The following COX20 variants were observed in gnomAD, a reference collection of about 807,000 sequenced individuals.
COX20 encodes the protein cytochrome c oxidase assembly protein COX20, mitochondrial.
In COX20, 14 loss-of-function variants were observed where a neutral mutation model predicts 14.3. The observed-to-expected ratio is 0.98, with a 90% CI of 0.65 to 1.53. COX20 has a LOEUF of 1.53. COX20 is among the 40% of genes most tolerant of loss of function. The pLI, the probability that COX20 is intolerant of heterozygous loss-of-function variation, is 0.00. For missense variants in COX20, 149 were observed against 142.1 expected (o/e 1.05, Z -0.25); for synonymous variants, 56 against 51.7 (o/e 1.08, Z -0.36).
At chr1:244,837,616 A>C (rs12139064) in intron 1 of COX20, among the ~76,000 whole-genome samples, 25,622 of 152,252 alleles carry the variant, frequency 0.17, 2,531 homozygotes, top group Middle Eastern at 0.33. Flanking sequence ...AAAAATATTT[A>C]GAGTACCTAC....
intron 1 of COX20, chr1:244,839,639 A>G (rs1433492556): frequency 1.3e-5 from 2 of 152,192 alleles, no homozygotes; most frequent in Non-Finnish European, 2.9e-5. Context: ...TTTACAGTTC[A>G]GTGTACTTAA....
At chr1:244,841,128 A>G (rs1454578247) in intron 1 of COX20, 6 of 152,262 alleles carry the variant, frequency 3.9e-5, no homozygotes, top group African/African-American at 1.4e-4. Context: ...TAAGAAATAC[A>G]TAAATCCAAT....
intron 1 of COX20, chr1:244,836,596 C>T (rs1029246349): frequency 1.0e-5 from 13 of 1,271,480 alleles, no homozygotes; most frequent in Non-Finnish European, 1.4e-5. Context: ...ATCCTCAGGG[C>T]AGAACAGGTA....
At position 244,843,388 on chromosome 1, in the gene COX20, A is replaced by G; in HGVS notation, c.*212A>G. ...ACGTGTTACATATAGTGGACTTGTC[A>G]TCCTTAAAATGTGAACAGAATTTAT... On this transcript the variant is annotated 3_prime_UTR_variant, in exon 4 of 4. Transcript: ENST00000411948. 3 of 509,580 alleles carry G rather than the reference A, an allele frequency of 5.9e-6. No homozygotes were observed. The highest frequency in any genetic ancestry group is 4.1e-5 in the Admixed American group (1 of 24,686). The allele number at this position is 509,580 out of a possible 1,614,324, so 31.6% of individuals were successfully genotyped here. A position where few individuals can be genotyped will look rare whatever the true frequency, so the allele number is the denominator to read the frequency against.
upstream of COX20, chr1:244,835,607 C>A: frequency 1.3e-6 from 1 of 790,254 alleles, no homozygotes; most frequent in Non-Finnish European, 1.7e-6. Context: ...CGGAACAGGG[C>A]GGGAGGCGGC....
intron 1 of COX20, 163 bp from the exon 2 acceptor site, chr1:244,841,781 A>C: frequency 1.7e-6 from 1 of 572,180 alleles, no homozygotes; most frequent in Non-Finnish European, 3.1e-6. Context: ...TGCATACCAA[A>C]GGTGGACAAA....
At chr1:244,841,031 A>G (rs1680180053) in intron 1 of COX20, 1 of 152,256 alleles carries the variant, frequency 6.6e-6, no homozygotes, top group Admixed American at 6.5e-5. Flanking sequence ...GTTAACAGAA[A>G]TGCCAGTTCA....
At chr1:244,842,426 A>G (rs929999793) in intron 3 of COX20, 168 bp downstream of exon 3, 2 of 613,948 alleles carry the variant, frequency 3.3e-6, no homozygotes, top group African/African-American at 3.7e-5. Flanking sequence ...TTGAACAGAT[A>G]AATGCATATT....
In COX20 at chr1:244,845,020, A is replaced by G. The variant is rs1444556985; in HGVS notation, c.*1844A>G. On this transcript the variant is annotated 3_prime_UTR_variant, in exon 4 of 4. Transcript: ENST00000411948. ...ACTTTAAATCATCTCTAGATTACTT[A>G]TAATGTCTAATACAAAATAAATGCT... The G allele has an allele frequency of 6.0e-6, 1 of 165,328 alleles. No individual in the cohort carries two copies. Among genetic ancestry groups the G allele is most frequent in the African/African-American group, 2.4e-5 (1 of 41,428 alleles). The allele number at this position is 165,328 out of a possible 1,614,324, so 10.2% of individuals were successfully genotyped here.
In COX20 at chr1:244,843,306, G is replaced by GGA; in HGVS notation, c.*130_*131insGA. Reference sequence around the variant, plus strand: ...GTCATTTTTTTCCCACACTTGTGTGGAATGAAAACTTGCCAGTTTATTCTG... The same window carrying GGA: ...GTCATTTTTTTCCCACACTTGTGTGGGAAATGAAAACTTGCCAGTTTATTCTG... On this transcript the variant is annotated 3_prime_UTR_variant, in exon 4 of 4. Coordinates refer to ENST00000411948, the MANE Select transcript of COX20 (RefSeq NM_198076.6). 1 of 1,119,792 alleles carries GGA rather than the reference G, an allele frequency of 8.9e-7. No homozygotes were observed. Among genetic ancestry groups the GGA allele is most frequent in the Non-Finnish European group, 1.3e-6 (1 of 789,810 alleles). The allele number at this position is 1,119,792 out of a possible 1,614,324, so 69.4% of individuals were successfully genotyped here.
At chr1:244,841,905 A>T (rs1680214480) in intron 1 of COX20, 39 bp from the exon 2 acceptor site, 1 of 1,283,480 alleles carries the variant, frequency 7.8e-7, no homozygotes, top group Admixed American at 2.1e-5. Context: ...AAAATGAAAT[A>T]CTTTCTTACT....
Position 244,843,605 on chromosome 1 carries a change from T to A in COX20, c.*429T>A, listed in dbSNP as rs1449215886. ...CTAATGTCATTGTAAGATTTAAAAC[T>A]AAGGGCTTTTATCACTTTGCAAATT... On this transcript the variant is annotated 3_prime_UTR_variant, in exon 4 of 4. Transcript: ENST00000411948. The A allele has an allele frequency of 1.3e-5, 2 of 153,086 alleles. No homozygotes were observed. The highest frequency in any genetic ancestry group is 4.8e-5 in the African/African-American group (2 of 41,492). 9.5% of individuals were successfully genotyped at this position (153,086 alleles called of 1,614,324 possible).
chr1:244,843,375 T>C lies in COX20; in HGVS notation c.*199T>C. On this transcript the variant is annotated 3_prime_UTR_variant, in exon 4 of 4. Transcript: ENST00000411948. The stretch of plus-strand genomic sequence containing the variant: ...GGATAGCATTCTTACGTGTTACATA[T>C]AGTGGACTTGTCATCCTTAAAATGT... The C allele has an allele frequency of 1.8e-6, 1 of 541,352 alleles. No individual in the cohort carries two copies. The highest frequency in any genetic ancestry group is 2.5e-5 in the South Asian group (1 of 39,614). 33.5% of individuals were successfully genotyped at this position (541,352 alleles called of 1,614,324 possible).
At chr1:244,835,650 C>T (rs915373911), upstream of COX20, 7 of 1,197,592 alleles carry the variant, frequency 5.8e-6, no homozygotes, top group Non-Finnish European at 7.3e-6. Context: ...AGGGGCGCGG[C>T]CAGCCGGGCT....
rs1407042177 is a variant in COX20, at chr1:244,835,701, G to A, written c.-14G>A. 1 of 1,257,094 alleles carries A rather than the reference G, an allele frequency of 8.0e-7. No individual in the cohort carries two copies. Among genetic ancestry groups the A allele is most frequent in the Non-Finnish European group, 1.0e-6 (1 of 998,628 alleles). 77.9% of individuals were successfully genotyped at this position (1,257,094 alleles called of 1,614,324 possible). A position where few individuals can be genotyped will look rare whatever the true frequency, so the allele number is the denominator to read the frequency against. ...CCGGCGGTGCAGGGCGGGTGGAGTC[G>A]CGGAGTAGTCCTCATGGCCGCCCCG... On this transcript the variant is annotated 5_prime_UTR_variant, in exon 1 of 4. Coordinates refer to ENST00000411948, the MANE Select transcript of COX20 (RefSeq NM_198076.6).
chr1:244,836,252 C>T (rs1679977613), intron 1 of COX20, among the ~76,000 whole-genome samples: 1 of 152,164 alleles, frequency 6.6e-6, no homozygotes, highest in Non-Finnish European at 1.5e-5. Context: ...AGCTGGTGTC[C>T]CTGTCTCCAT....
At chr1:244,835,790 G>A (rs1272685429) in intron 1 of COX20, 34 bp downstream of exon 1, 26 of 1,245,338 alleles carry the variant, frequency 2.1e-5, no homozygotes, top group Non-Finnish European at 2.6e-5. Flanking sequence ...CGCGCCGCGG[G>A]TGGGCGGTGG....
chr1:244,841,754 G>T, intron 1 of COX20, 190 bp from the exon 2 acceptor site: 1 of 522,462 alleles, frequency 1.9e-6, no homozygotes, highest in Non-Finnish European at 3.4e-6. Context: ...AAGGTTTTCG[G>T]ATTTAAAGAT....
In COX20 at chr1:244,841,988, C is replaced by T. The variant is rs140032239; in HGVS notation, c.87C>T (p.Cys29=). 923 of 1,611,002 alleles carry T rather than the reference C, an allele frequency of 5.7e-4. No individual in the cohort carries two copies. Among genetic ancestry groups the T allele is most frequent in the Middle Eastern group, 9.1e-4 (5 of 5,482 alleles). The change falls in exon 2 of 4, where the codon TGC becomes TGT. Residue 29 remains cysteine, a synonymous_variant. Transcript: ENST00000411948. ...TTTTAGATGTTGAAAATACTCCCTG[C>T]GCCCGGCATTCAATATTGTATGGTT... The part of the protein sequence containing the change: ...LGFLDVENTP[C]ARHSILYGSL...
Sources: gnomAD v4.1 joint callset for allele counts (sites outside exome capture counted in the v4.1 genomes callset) on GRCh38, gnomAD v4.1.1 for gene constraint, MANE v1.5 for transcripts, NCBI Gene and HGNC (gene_info 2026-07-23, HGNC 2026-07-21) for gene names.